The following ROBO2 variants were observed in gnomAD, a reference collection of about 807,000 sequenced individuals.
ROBO2 encodes the protein roundabout guidance receptor 2.
A neutral mutation model predicts 160.8 loss-of-function variants in ROBO2; 53 were observed. The ratio of observed to expected loss-of-function variants is 0.33; its 90% confidence interval spans 0.26 to 0.41. The LOEUF is 0.41. Ranked by LOEUF, ROBO2 falls within the 10% of genes least tolerant of loss-of-function variation. The probability of loss-of-function intolerance (pLI) is 1.00; values close to 1 mark genes in which losing one functional copy is unlikely to be tolerated. For missense variants in ROBO2, 1,577 were observed against 1,722.4 expected (o/e 0.92, Z 1.49); for synonymous variants, 664 against 611.7 (o/e 1.09, Z -1.26).
At chr3:77,453,375 CT>C (rs10706052) in intron 2 of ROBO2, among the ~76,000 whole-genome samples, 24,589 of 145,830 alleles carry the variant, frequency 0.17, 2,127 homozygotes, top group East Asian at 0.26. Flanking sequence ...ATTTTAAAGC[CT>C]TTTTTTTTTT....
chr3:76,177,473 G>A (rs1177121459), intron 2 of ROBO2, among the ~76,000 whole-genome samples: 1 of 152,154 alleles, frequency 6.6e-6, no homozygotes, highest in Non-Finnish European at 1.5e-5. Context: ...TTTGGGCTAA[G>A]TAGCTGTCAA....
At chr3:76,373,432 T>G (rs1446093790) in intron 2 of ROBO2, among the ~76,000 whole-genome samples, 2 of 152,166 alleles carry the variant, frequency 1.3e-5, no homozygotes, top group Non-Finnish European at 2.9e-5. Flanking sequence ...GTCATTTATA[T>G]GTGCATAATT....
intron 2 of ROBO2, among the ~76,000 whole-genome samples, chr3:77,241,667 G>T (rs2151375866): frequency 6.6e-6 from 1 of 152,278 alleles, no homozygotes; most frequent in South Asian, 2.1e-4. Flanking sequence ...GAAAATTCGG[G>T]TGCAGACAAG....
chr3:76,589,332 C>A (rs186969901), intron 2 of ROBO2, among the ~76,000 whole-genome samples: 2 of 152,034 alleles, frequency 1.3e-5, no homozygotes, highest in African/African-American at 4.8e-5. Flanking sequence ...CGGCGTCTGG[C>A]GCTGTCACCC....
chr3:76,479,388 C>G (rs2079095598), intron 2 of ROBO2, among the ~76,000 whole-genome samples: 1 of 152,162 alleles, frequency 6.6e-6, no homozygotes, highest in Admixed American at 6.6e-5. Flanking sequence ...CTTCTGACCT[C>G]TGCCTGAGGA....
intron 2 of ROBO2, among the ~76,000 whole-genome samples, chr3:76,507,501 G>A (rs2080857242): frequency 6.6e-6 from 1 of 152,044 alleles, no homozygotes; most frequent in Non-Finnish European, 1.5e-5. Flanking sequence ...AATACTTGCA[G>A]AAATTGTAAT....
intron 1 of ROBO2, among the ~76,000 whole-genome samples, chr3:75,930,910 A>G (rs1290228721): frequency 3.9e-5 from 6 of 152,202 alleles, no homozygotes; most frequent in African/African-American, 1.2e-4. Context: ...TCCTTAGTCA[A>G]CCTACTTTAA....
intron 2 of ROBO2, among the ~76,000 whole-genome samples, chr3:77,291,207 G>A (rs1308264488): frequency 6.6e-6 from 1 of 151,500 alleles, no homozygotes; most frequent in South Asian, 2.1e-4. Flanking sequence ...GGTTAAATGG[G>A]TAAGCTGAGG....
At chr3:77,386,961 G>A (rs1291176197) in intron 2 of ROBO2, among the ~76,000 whole-genome samples, 1 of 151,886 alleles carries the variant, frequency 6.6e-6, no homozygotes, top group Admixed American at 6.6e-5. Flanking sequence ...GAAGGTCAGA[G>A]TTTGAAGTAT....
intron 2 of ROBO2, among the ~76,000 whole-genome samples, chr3:76,523,418 T>C (rs1210153777): frequency 6.6e-6 from 1 of 152,128 alleles, no homozygotes; most frequent in Non-Finnish European, 1.5e-5. Context: ...TACCTTCGTC[T>C]GGAAATACCT....
At chr3:76,166,100 A>C (rs2072826044) in intron 2 of ROBO2, among the ~76,000 whole-genome samples, 1 of 152,076 alleles carries the variant, frequency 6.6e-6, no homozygotes, top group South Asian at 2.1e-4. Context: ...ATAAGCACAT[A>C]CTATTGAAAA....
At chr3:76,438,188 TG>T (rs1196070025) in intron 2 of ROBO2, among the ~76,000 whole-genome samples, 2 of 152,242 alleles carry the variant, frequency 1.3e-5, no homozygotes, top group Middle Eastern at 3.4e-3. Flanking sequence ...AGAGATTTGT[TG>T]GGGGAGCCTA....
Position 76,603,345 on chromosome 3 carries a change from A to AT in ROBO2, c.110-494669_110-494668insT, listed in dbSNP as rs1406880243. ...AGACTCCATCTCCAAAAAAAAAAAAAAAAAAAATATATATATATATATATA... is the reference window on the plus strand; with the variant it reads ...AGACTCCATCTCCAAAAAAAAAAAAATAAAAAAATATATATATATATATATA... On this transcript the variant is annotated intron_variant, in intron 2 of 26. Coordinates refer to the ROBO2 transcript ENST00000487694. Among the ~76,000 whole-genome samples the AT allele has an allele frequency of 1.0e-2, 614 of 61,696 alleles. 1 individual carries two copies. The highest frequency in any genetic ancestry group is 0.012 in the Admixed American group (57 of 4,690). 40.5% of individuals were successfully genotyped at this position (61,696 alleles called of 152,430 possible). A position where few individuals can be genotyped will look rare whatever the true frequency, so the allele number is the denominator to read the frequency against.
chr3:77,435,565 G>A (rs892101549), intron 2 of ROBO2, among the ~76,000 whole-genome samples: 1 of 151,598 alleles, frequency 6.6e-6, no homozygotes, highest in African/African-American at 2.4e-5. Context: ...ATGTTAACTA[G>A]CCTGAAGACA....
intron 2 of ROBO2, among the ~76,000 whole-genome samples, chr3:76,867,684 A>T (rs1241092036): frequency 6.6e-6 from 1 of 152,156 alleles, no homozygotes; most frequent in Admixed American, 6.5e-5. Context: ...AATTAGAAAG[A>T]TTTTCTAAAA....
chr3:76,333,301 A>G (rs899109977), intron 2 of ROBO2, among the ~76,000 whole-genome samples: 2 of 152,294 alleles, frequency 1.3e-5, no homozygotes, highest in East Asian at 1.9e-4. Context: ...TGTCCAGTAC[A>G]TATTAGCTGT....
intron 2 of ROBO2, among the ~76,000 whole-genome samples, chr3:76,660,583 A>G (rs930230629): frequency 6.6e-6 from 1 of 152,220 alleles, no homozygotes. Flanking sequence ...GGATGATTTA[A>G]AGCAAGACCT....
intron 2 of ROBO2, among the ~76,000 whole-genome samples, chr3:77,348,512 C>T (rs1362239215): frequency 3.9e-5 from 6 of 152,060 alleles, no homozygotes. Context: ...GGTCGACCTC[C>T]TATCTCATCC....
chr3:76,373,169 TG>T (rs2076185535), intron 2 of ROBO2, among the ~76,000 whole-genome samples: 2 of 151,974 alleles, frequency 1.3e-5, no homozygotes, highest in African/African-American at 4.8e-5. Context: ...TCCATTGGCA[TG>T]GCCTTGATTT....
Sources: allele counts gnomAD v4.1 joint callset (sites outside exome capture counted in the v4.1 genomes callset), GRCh38; gene constraint gnomAD v4.1.1; transcripts MANE v1.5; gene names NCBI Gene and HGNC (gene_info 2026-07-23, HGNC 2026-07-21).